ADAM32: variants seen among roughly 807,000 people sequenced by gnomAD.
ADAM32 encodes the protein disintegrin and metalloproteinase domain-containing protein 32.
A neutral mutation model predicts 114.9 loss-of-function variants in ADAM32; 89 were observed. That is an observed-to-expected ratio of 0.77 (90% CI 0.65 to 0.92). The LOEUF (loss-of-function observed/expected upper bound fraction) is 0.92, where lower values mean the gene tolerates loss of function less well. Among genes scored for constraint, ADAM32 ranks in the 40% least tolerant of loss-of-function variants. The pLI, the probability that ADAM32 is intolerant of heterozygous loss-of-function variation, is 0.00. For synonymous variants in ADAM32, 285 were observed against 307.5 expected (o/e 0.93, Z 0.77); for missense variants, 870 against 932.8 (o/e 0.93, Z 0.88).
At chr8:39,279,473 G>A (rs557555702) in intron 22 of ADAM32, among the ~76,000 whole-genome samples, 57 of 152,036 alleles carry the variant, frequency 3.7e-4, no homozygotes, top group African/African-American at 1.1e-3. Flanking sequence ...TAGTAGAGAC[G>A]GGGTTTCACC....
intron 3 of ADAM32, among the ~76,000 whole-genome samples, chr8:39,144,386 A>G (rs1304047158): frequency 6.6e-6 from 1 of 152,180 alleles, no homozygotes; most frequent in African/African-American, 2.4e-5. Flanking sequence ...TTTTTGAGAA[A>G]TGCTGATGTG....
chr8:39,167,273 A>G (rs977375334), intron 9 of ADAM32: 6 of 152,200 alleles, frequency 3.9e-5, no homozygotes, highest in Non-Finnish European at 7.3e-5. Context: ...CTTGGGAATT[A>G]TCCCAGCACC....
chr8:39,264,816 A>G (rs953804294), intron 19 of ADAM32, among the ~76,000 whole-genome samples: 1 of 152,168 alleles, frequency 6.6e-6, no homozygotes, highest in Non-Finnish European at 1.5e-5. Flanking sequence ...CCAAAAAGTC[A>G]TTCAGGAGCA....
At chr8:39,233,229 A>G (rs1434679245) in intron 15 of ADAM32, among the ~76,000 whole-genome samples, 2 of 152,206 alleles carry the variant, frequency 1.3e-5, no homozygotes, top group East Asian at 3.9e-4. Context: ...AGCAGCATGG[A>G]CTGCTCAGCT....
At chr8:39,156,401 T>A (rs1804151485) in intron 6 of ADAM32, among the ~76,000 whole-genome samples, 1 of 152,230 alleles carries the variant, frequency 6.6e-6, no homozygotes, top group Non-Finnish European at 1.5e-5. Context: ...CATTTTGGCC[T>A]TCCAGAGTGC....
At chr8:39,158,927 TC>T (rs1464831130) in intron 6 of ADAM32, among the ~76,000 whole-genome samples, 1 of 152,186 alleles carries the variant, frequency 6.6e-6, no homozygotes, top group Non-Finnish European at 1.5e-5. Flanking sequence ...TCTTCTGGTT[TC>T]CTTTAGTTTT....
At chr8:39,221,484 G>A in intron 12 of ADAM32, 126 bp from the exon 13 acceptor site, 1 of 693,146 alleles carries the variant, frequency 1.4e-6, no homozygotes, top group East Asian at 2.8e-5. Flanking sequence ...GTTAAAACCT[G>A]TAACTATCAG....
At chr8:39,232,422 C>A (rs10958542) in intron 15 of ADAM32, among the ~76,000 whole-genome samples, 74,312 of 151,962 alleles carry the variant, frequency 0.49, 20,056 homozygotes, top group South Asian at 0.69. Context: ...CCTTTCCATC[C>A]CACTTGGTTA....
intron 10 of ADAM32, among the ~76,000 whole-genome samples, chr8:39,171,760 T>C (rs905412973): frequency 6.6e-6 from 1 of 151,576 alleles, no homozygotes; most frequent in African/African-American, 2.4e-5. Context: ...AATATTACAT[T>C]TGATATGTTG....
intron 12 of ADAM32, among the ~76,000 whole-genome samples, chr8:39,217,504 C>T (rs1030488829): frequency 5.9e-5 from 9 of 151,622 alleles, no homozygotes; most frequent in Admixed American, 1.3e-4. Context: ...CTAGATTGGT[C>T]CCTTTGAGGC....
intron 10 of ADAM32, among the ~76,000 whole-genome samples, chr8:39,179,071 G>A (rs1805692165): frequency 6.6e-6 from 1 of 152,134 alleles, no homozygotes; most frequent in Non-Finnish European, 1.5e-5. Context: ...CTGTGTTTGG[G>A]GGAGCCCTCC....
intron 11 of ADAM32, among the ~76,000 whole-genome samples, chr8:39,205,208 A>G (rs1807736417): frequency 6.6e-6 from 1 of 152,166 alleles, no homozygotes; most frequent in Non-Finnish European, 1.5e-5. Context: ...TTGTTTGACT[A>G]TGTGCTGCTC....
intron 19 of ADAM32, among the ~76,000 whole-genome samples, chr8:39,264,011 A>C (rs887008177): frequency 2.6e-5 from 4 of 152,180 alleles, no homozygotes; most frequent in African/African-American, 9.7e-5. Flanking sequence ...CAAGATGATA[A>C]AGGTATCTGT....
intron 19 of ADAM32, among the ~76,000 whole-genome samples, chr8:39,264,264 T>C (rs1222668788): frequency 6.6e-6 from 1 of 152,178 alleles, no homozygotes; most frequent in Non-Finnish European, 1.5e-5. Context: ...AAGGTTTCAG[T>C]TTCTTCATGG....
chr8:39,177,148 C>T (rs2129446736), intron 10 of ADAM32, among the ~76,000 whole-genome samples: 1 of 151,918 alleles, frequency 6.6e-6, no homozygotes, highest in Admixed American at 6.5e-5. Flanking sequence ...CAACCTCTGC[C>T]TCCCAGGTTC....
At chr8:39,254,353 T>C in intron 17 of ADAM32, 61 bp from the exon 18 acceptor site, 1 of 1,350,034 alleles carries the variant, frequency 7.4e-7, no homozygotes, top group Non-Finnish European at 1.0e-6. Flanking sequence ...GTAAGCTTGA[T>C]GCTCACCTTC....
At chr8:39,160,316 G>A (rs1165960587) in intron 6 of ADAM32, among the ~76,000 whole-genome samples, 1 of 152,136 alleles carries the variant, frequency 6.6e-6, no homozygotes, top group Non-Finnish European at 1.5e-5. Flanking sequence ...CAAGGCGGGC[G>A]GATCGCGAGG....
At chr8:39,279,319 C>CT (rs1813279943) in intron 22 of ADAM32, among the ~76,000 whole-genome samples, 1 of 152,136 alleles carries the variant, frequency 6.6e-6, no homozygotes, top group East Asian at 1.9e-4. Context: ...AGCGGAGTCT[C>CT]TGTTGCCCAG....
At chr8:39,178,698 G>A (rs1036520008) in intron 10 of ADAM32, among the ~76,000 whole-genome samples, 1 of 152,156 alleles carries the variant, frequency 6.6e-6, no homozygotes, top group Non-Finnish European at 1.5e-5. Context: ...TGGGGTTTTT[G>A]TGGGGCCTTT....
Sources: gnomAD v4.1 joint callset for allele counts (sites outside exome capture counted in the v4.1 genomes callset) on GRCh38, gnomAD v4.1.1 for gene constraint, MANE v1.5 for transcripts, NCBI Gene and HGNC (gene_info 2026-07-23, HGNC 2026-07-21) for gene names.